The following ARHGAP40 variants were observed in gnomAD, a reference collection of about 807,000 sequenced individuals.
The protein encoded by ARHGAP40 is Rho GTPase activating protein 40.
A neutral mutation model predicts 73.5 loss-of-function variants in ARHGAP40; 43 were observed. That is an observed-to-expected ratio of 0.58 (90% CI 0.46 to 0.75). The LOEUF is 0.75. Among genes scored for constraint, ARHGAP40 ranks in the 30% least tolerant of loss-of-function variants. The pLI, the probability that ARHGAP40 is intolerant of heterozygous loss-of-function variation, is 0.00. For synonymous variants in ARHGAP40, 300 were observed against 352.8 expected, an observed-to-expected ratio of 0.85 and a Z score of 1.68; for missense variants, 734 against 861.8, an observed-to-expected ratio of 0.85 and a Z score of 1.86.
intron 5 of ARHGAP40, among the ~76,000 whole-genome samples, chr20:38,632,733 T>A (rs994558259): frequency 6.6e-6 from 1 of 152,034 alleles, no homozygotes; most frequent in Non-Finnish European, 1.5e-5. Flanking sequence ...GCCAGCACTT[T>A]GGAAGGCCAA....
chr20:38,635,080 C>T (rs1476394071), intron 6 of ARHGAP40, among the ~76,000 whole-genome samples: 1 of 151,992 alleles, frequency 6.6e-6, no homozygotes, highest in African/African-American at 2.4e-5. Context: ...CGGGGTTTCA[C>T]CATGTTGGCC....
At chr20:38,612,261 G>T (rs2088808695) in intron 1 of ARHGAP40, among the ~76,000 whole-genome samples, 1 of 152,102 alleles carries the variant, frequency 6.6e-6, no homozygotes, top group Non-Finnish European at 1.5e-5. Flanking sequence ...TATATATTTA[G>T]ATTTCATAAA....
intron 5 of ARHGAP40, among the ~76,000 whole-genome samples, chr20:38,631,304 TAA>T (rs35575772): frequency 1.6e-4 from 14 of 87,536 alleles, no homozygotes; most frequent in Admixed American, 4.1e-4. Flanking sequence ...GAGCAAGACC[TAA>T]AAAAAAAAAA....
intron 1 of ARHGAP40, among the ~76,000 whole-genome samples, chr20:38,606,226 T>C (rs1445038925): frequency 1.3e-5 from 2 of 152,246 alleles, no homozygotes; most frequent in African/African-American, 4.8e-5. Context: ...TTTTGTTAAC[T>C]AGCCTCCTGT....
chr20:38,636,018 C>T (rs886937326), intron 6 of ARHGAP40, among the ~76,000 whole-genome samples: 33 of 152,236 alleles, frequency 2.2e-4, no homozygotes, highest in South Asian at 8.3e-4. Flanking sequence ...ACAGCAGAAG[C>T]TCAGAGGGCA....
intron 9 of ARHGAP40, among the ~76,000 whole-genome samples, chr20:38,641,176 C>T (rs565097292): frequency 5.3e-5 from 8 of 152,136 alleles, no homozygotes; most frequent in South Asian, 4.1e-4. Flanking sequence ...CTGTCTCCTA[C>T]GCAGCTCTTC....
chr20:38,646,490 C>A lies in ARHGAP40; in HGVS notation c.1710+303C>A, dbSNP rs1422340708. Among the ~76,000 whole-genome samples, 1 of 152,074 alleles carries A rather than the reference C, an allele frequency of 6.6e-6. No homozygotes were observed. The highest frequency in any genetic ancestry group is 1.5e-5 in the Non-Finnish European group (1 of 68,024). ...GGTTGGGAAAATGGGAGTCGCTCTG[C>A]GGGGTGTGAGGTGATTGGGGCTGGG... On this transcript the variant is annotated intron_variant, in intron 12 of 14. Coordinates refer to ENST00000373345, the Ensembl canonical transcript of ARHGAP40. The surrounding 1 kb of genome is among the most constrained non-coding windows in gnomAD (Gnocchi z 4.5).
At chr20:38,623,526 A>T in exon 2 of ARHGAP40, 5 of 1,290,520 alleles carry the variant, frequency 3.9e-6, no homozygotes, top group Non-Finnish European at 5.1e-6. Context: ...AGGGAAGAGG[A>T]CAGTGGCGGG....
At chr20:38,620,050 C>A (rs1273057173) in intron 1 of ARHGAP40, among the ~76,000 whole-genome samples, 1 of 152,178 alleles carries the variant, frequency 6.6e-6, no homozygotes. Flanking sequence ...CGAGACAGAG[C>A]AAGACCCTTT....
At chr20:38,639,521 G>A (rs2089000949) in intron 9 of ARHGAP40, 135 bp downstream of exon 9, 1 of 1,059,528 alleles carries the variant, frequency 9.4e-7, no homozygotes, top group South Asian at 1.5e-5. Context: ...CAACTGATGG[G>A]GGAAGAAGCA....
At chr20:38,611,526 T>G (rs1373094089) in intron 1 of ARHGAP40, among the ~76,000 whole-genome samples, 4 of 148,202 alleles carry the variant, frequency 2.7e-5, no homozygotes, top group Non-Finnish European at 4.5e-5. Context: ...CAAGCAATCC[T>G]CCTGCCCACG....
At chr20:38,649,859 T>C in exon 15 of ARHGAP40, 6 of 1,304,254 alleles carry the variant, frequency 4.6e-6, no homozygotes, top group African/African-American at 1.5e-5. Context: ...ACCCTGCGAG[T>C]CTCAGGAGCA....
chr20:38,602,554 A>G (rs975083941), intron 1 of ARHGAP40, among the ~76,000 whole-genome samples: 1 of 152,166 alleles, frequency 6.6e-6, no homozygotes, highest in Admixed American at 6.5e-5. Flanking sequence ...CAGAATTTTC[A>G]AATAGTCATT....
intron 2 of ARHGAP40, among the ~76,000 whole-genome samples, chr20:38,624,492 G>T (rs2088889144): frequency 6.6e-6 from 1 of 152,176 alleles, no homozygotes. Context: ...GTGTAATAAA[G>T]CCACCAGATC....
intron 5 of ARHGAP40, among the ~76,000 whole-genome samples, chr20:38,630,852 G>A (rs1235552900): frequency 6.6e-6 from 1 of 152,098 alleles, no homozygotes; most frequent in Non-Finnish European, 1.5e-5. Flanking sequence ...AGTAAATATA[G>A]TCTTTCACAG....
At chr20:38,630,054 C>T (rs537043304) in intron 5 of ARHGAP40, among the ~76,000 whole-genome samples, 56 of 148,274 alleles carry the variant, frequency 3.8e-4, no homozygotes, top group South Asian at 2.0e-3. Flanking sequence ...CCTCCTCCTC[C>T]TTCTTTTTTC....
intron 1 of ARHGAP40, among the ~76,000 whole-genome samples, chr20:38,614,450 T>C (rs964055820): frequency 6.6e-6 from 1 of 152,044 alleles, no homozygotes; most frequent in Admixed American, 6.6e-5. Context: ...CCATCTACCA[T>C]CCTTCTCTGT....
intron 1 of ARHGAP40, among the ~76,000 whole-genome samples, chr20:38,608,995 C>T (rs1211148086): frequency 1.3e-5 from 2 of 152,188 alleles, no homozygotes; most frequent in Non-Finnish European, 2.9e-5. Context: ...TCCCTCTTCC[C>T]CATTTAAGGA....
At chr20:38,639,246 A>G (rs2088997747) in exon 9 of ARHGAP40, 1 of 1,305,338 alleles carries the variant, frequency 7.7e-7, no homozygotes, top group African/African-American at 1.5e-5. Context: ...CAGAAACTGG[A>G]GAGAGACTTC....
Sources: gnomAD v4.1 joint callset for allele counts (sites outside exome capture counted in the v4.1 genomes callset) on GRCh38, gnomAD v4.1.1 for gene constraint, Gnocchi (gnomAD v3.1) non-coding constraint, MANE v1.5 for transcripts, NCBI Gene and HGNC (gene_info 2026-07-23, HGNC 2026-07-21) for gene names.